EIF4G3: variants seen among roughly 807,000 people sequenced by gnomAD.
EIF4G3 encodes eukaryotic translation initiation factor 4 gamma 3, also known as eIF-4-gamma 3.
EIF4G3 carries 34 observed loss-of-function variants against 186.4 expected under a neutral mutation model. The ratio of observed to expected loss-of-function variants is 0.18; its 90% CI spans 0.14 to 0.24. The LOEUF (loss-of-function observed/expected upper bound fraction) is 0.24, where lower values mean the gene tolerates loss of function less well. Among genes scored for constraint, EIF4G3 ranks in the 10% least tolerant of loss-of-function variants. The pLI, the probability that EIF4G3 is intolerant of heterozygous loss-of-function variation, is 1.00. For synonymous variants in EIF4G3, 673 were observed against 679.5 expected (o/e 0.99, Z 0.15); for missense variants, 1,536 against 1,948.5 (o/e 0.79, Z 3.99).
chr1:21,092,186 G>C (rs923136341), intron 2 of EIF4G3, among the ~76,000 whole-genome samples: 1 of 151,796 alleles, frequency 6.6e-6, no homozygotes, highest in Non-Finnish European at 1.5e-5. Context: ...AATTTATTGA[G>C]AGTTTTTAGC....
intron 3 of EIF4G3, among the ~76,000 whole-genome samples, chr1:21,052,452 A>G (rs536327391): frequency 6.6e-6 from 1 of 152,362 alleles, no homozygotes; most frequent in South Asian, 2.1e-4. Flanking sequence ...GAATCGTGTT[A>G]TTAAATACAT....
intron 24 of EIF4G3, 39 bp downstream of exon 24, chr1:20,860,346 C>T: frequency 6.2e-7 from 1 of 1,611,068 alleles, no homozygotes; most frequent in Non-Finnish European, 8.5e-7. Context: ...ATTCCTGAAA[C>T]TTCCAAGTTC....
At chr1:21,115,934 G>C (rs1025815567) in intron 2 of EIF4G3, among the ~76,000 whole-genome samples, 3 of 151,836 alleles carry the variant, frequency 2.0e-5, no homozygotes. Context: ...TTGTTACCCG[G>C]GTTGGTCTAG....
rs34598369 is a variant in EIF4G3, at chr1:21,060,782, G to GA, written c.-195-9789dup. Among the ~76,000 whole-genome samples the GA allele has an allele frequency of 1.5e-3, 177 of 117,366 alleles. 2 individuals are homozygous for GA. Among genetic ancestry groups the GA allele is most frequent in the African/African-American group, 4.1e-3 (121 of 29,360 alleles). The allele number at this position is 117,366 out of a possible 152,430, so 77.0% of individuals were successfully genotyped here. A position where few individuals can be genotyped will look rare whatever the true frequency, so the allele number is the denominator to read the frequency against. On this transcript the variant is annotated intron_variant, in intron 3 of 36. Transcript: ENST00000602326. ...AACACAGCAAGATCCTGTCTCTTAA[G>GA]AAAAAAAAAAAAAAAAAAAAAACAA...
At chr1:21,020,243 T>G in intron 4 of EIF4G3, among the ~76,000 whole-genome samples, 1 of 152,134 alleles carries the variant, frequency 6.6e-6, no homozygotes, top group East Asian at 1.9e-4. Context: ...ATCTTAGCAC[T>G]TTGGGAGGCG....
chr1:20,889,459 G>A (rs17409932), intron 18 of EIF4G3, among the ~76,000 whole-genome samples: 4,190 of 152,172 alleles, frequency 0.028, 89 homozygotes, highest in Non-Finnish European at 0.038. Flanking sequence ...TGTGATGTCC[G>A]CAAAAAGACT....
intron 29 of EIF4G3, among the ~76,000 whole-genome samples, chr1:20,846,962 C>T (rs2071309144): frequency 6.6e-6 from 1 of 152,118 alleles, no homozygotes; most frequent in South Asian, 2.1e-4. Flanking sequence ...AACAATAGCA[C>T]CTAATAGGAA....
chr1:20,945,728 T>C (rs1166568192), intron 13 of EIF4G3, among the ~76,000 whole-genome samples: 2 of 152,166 alleles, frequency 1.3e-5, no homozygotes, highest in Non-Finnish European at 2.9e-5. Context: ...TAAGCAATCC[T>C]CCTGCCTCGT....
Position 20,881,824 on chromosome 1 carries a change from T to G in EIF4G3, c.2425-2304A>C, listed in dbSNP as rs147134786. ...ATAATGAAAATAAAATAAAATAAAA[T>G]AAAATAAAAATAAAAACAACTGCTC... On this transcript the variant is annotated intron_variant, in intron 19 of 36. Coordinates refer to ENST00000602326, the MANE Select transcript of EIF4G3 (RefSeq NM_001391906.1). Among the ~76,000 whole-genome samples the G allele has an allele frequency of 6.2e-4, 92 of 149,390 alleles. 2 individuals carry two copies. The East Asian group carries it at 0.017, about 28-fold the overall frequency.
At chr1:20,850,990 G>C (rs1299497395) in intron 28 of EIF4G3, among the ~76,000 whole-genome samples, 2 of 152,134 alleles carry the variant, frequency 1.3e-5, no homozygotes, top group Non-Finnish European at 2.9e-5. Flanking sequence ...GGACTTGTAA[G>C]AAATTCAGAT....
Position 21,092,253 on chromosome 1 carries a change from G to A in EIF4G3, c.-271-3040C>T, listed in dbSNP as rs549419454. The stretch of plus-strand genomic sequence containing the variant: ...TTTCTGCATCTATTGAGATAATCAT[G>A]TGTTTTTGTCTTTGGTTCTGTTTAC... On this transcript the variant is annotated intron_variant, in intron 2 of 36. Coordinates refer to ENST00000602326, the MANE Select transcript of EIF4G3 (RefSeq NM_001391906.1). Among the ~76,000 whole-genome samples the A allele has an allele frequency of 2.0e-5, 3 of 152,278 alleles. No individual in the cohort carries two copies. The South Asian group carries it at 6.2e-4, about 32-fold the overall frequency.
At chr1:20,938,880 G>C (rs920185993) in intron 14 of EIF4G3, among the ~76,000 whole-genome samples, 2 of 151,910 alleles carry the variant, frequency 1.3e-5, no homozygotes, top group African/African-American at 4.8e-5. Context: ...AGGCTGAGGC[G>C]GGCGGATCAC....
chr1:21,165,601 T>G (rs990049411), intron 2 of EIF4G3, among the ~76,000 whole-genome samples: 1 of 152,132 alleles, frequency 6.6e-6, no homozygotes, highest in Non-Finnish European at 1.5e-5. Context: ...ATTAGTCCAT[T>G]TACGTAAAAA....
intron 2 of EIF4G3, among the ~76,000 whole-genome samples, chr1:21,102,771 G>C (rs964230382): frequency 3.3e-5 from 5 of 152,110 alleles, no homozygotes; most frequent in African/African-American, 4.8e-5. Context: ...CAATAGTCCA[G>C]TGAAATGTTA....
chr1:20,941,155 C>T, intron 14 of EIF4G3: 19 of 1,419,930 alleles, frequency 1.3e-5, no homozygotes, highest in Middle Eastern at 2.6e-4. Flanking sequence ...TTTTTGTTTT[C>T]TAGCCCCAAA....
chr1:20,941,305 A>G (rs1433468617), intron 14 of EIF4G3, 186 bp downstream of exon 14: 2 of 1,556,072 alleles, frequency 1.3e-6, no homozygotes, highest in East Asian at 2.4e-5. Flanking sequence ...GCATTTTTAG[A>G]CAATGGAGTA....
rs983784175 is a variant in EIF4G3 at position 21,086,621 on chromosome 1, A to G, written c.-196+2517T>C. On this transcript the variant is annotated intron_variant, in intron 3 of 36. Coordinates refer to ENST00000602326, the MANE Select transcript of EIF4G3 (RefSeq NM_001391906.1). Reference sequence around the variant, plus strand: ...ATTAACACGTTCCTGTCTCTAATCAAAGGTTCTTAATCTGGAGCTTAGAAA... The same window carrying G: ...ATTAACACGTTCCTGTCTCTAATCAGAGGTTCTTAATCTGGAGCTTAGAAA... 4.6e-5 allele frequency among the ~76,000 whole-genome samples: 7 copies of G among 152,044 alleles called. No homozygotes were observed. In the South Asian group the frequency reaches 8.3e-4, roughly 18 times the overall value.
At chr1:20,851,888 G>A (rs1466282742) in intron 27 of EIF4G3, among the ~76,000 whole-genome samples, 1 of 152,022 alleles carries the variant, frequency 6.6e-6, no homozygotes, top group Non-Finnish European at 1.5e-5. Context: ...TTTGGTGGCG[G>A]GTGCCTGTAA....
At chr1:21,139,401 G>A (rs1346330191) in intron 2 of EIF4G3, among the ~76,000 whole-genome samples, 2 of 152,048 alleles carry the variant, frequency 1.3e-5, no homozygotes, top group African/African-American at 2.4e-5. Context: ...GCAGCAGTAA[G>A]CTACAATCTC....
Sources: gnomAD v4.1 joint callset for allele counts (sites outside exome capture counted in the v4.1 genomes callset) on GRCh38, gnomAD v4.1.1 for gene constraint, MANE v1.5 for transcripts, NCBI Gene and HGNC (gene_info 2026-07-23, HGNC 2026-07-21) for gene names.